GLRX3: variants seen among roughly 807,000 people sequenced by gnomAD.
GLRX3 encodes glutaredoxin-3.
Under a neutral mutation model 49.5 loss-of-function variants are expected in GLRX3, and 22 were observed. That is an observed-to-expected ratio of 0.44 (90% CI 0.32 to 0.63). The LOEUF (loss-of-function observed/expected upper bound fraction) is 0.63. Among genes scored for constraint, GLRX3 ranks in the 30% least tolerant of loss-of-function variants. GLRX3 has a pLI of 0.05. For synonymous variants in GLRX3, 133 were observed against 140.0 expected (o/e 0.95, Z 0.35); for missense variants, 385 against 396.3 (o/e 0.97, Z 0.24).
chr10:130,159,922 G>A (rs1862541461), intron 2 of GLRX3, 73 bp from the exon 3 acceptor site: 2 of 1,267,838 alleles, frequency 1.6e-6, no homozygotes, highest in Non-Finnish European at 2.3e-6. Flanking sequence ...TAATGCATGT[G>A]AAACTGATTT....
intron 2 of GLRX3, among the ~76,000 whole-genome samples, chr10:130,149,934 TAAA>T (rs59275416): frequency 1.6e-4 from 21 of 132,136 alleles, no homozygotes; most frequent in Middle Eastern, 3.7e-3. Flanking sequence ...TTTTCATTAG[TAAA>T]AAAAAAAAAA....
intron 4 of GLRX3, among the ~76,000 whole-genome samples, chr10:130,162,972 G>C (rs1862605276): frequency 6.6e-6 from 1 of 152,106 alleles, no homozygotes; most frequent in Non-Finnish European, 1.5e-5. Flanking sequence ...GAGAAACTTA[G>C]ACATTTTAAT....
intron 8 of GLRX3, among the ~76,000 whole-genome samples, chr10:130,172,002 C>A (rs1031576747): frequency 2.6e-5 from 4 of 152,136 alleles, no homozygotes; most frequent in Non-Finnish European, 5.9e-5. Flanking sequence ...TTCAGTTCTG[C>A]CACTGATACT....
At chr10:130,160,764 G>A (rs1333839600) in intron 3 of GLRX3, 32 bp from the exon 4 acceptor site, 1 of 1,120,034 alleles carries the variant, frequency 8.9e-7, no homozygotes, top group Non-Finnish European at 1.4e-6. Flanking sequence ...ATGGAATGCT[G>A]CATGTATTCT....
intron 7 of GLRX3, 114 bp from the exon 8 acceptor site, chr10:130,171,470 A>T (rs921521575): frequency 1.4e-6 from 1 of 707,982 alleles, no homozygotes; most frequent in Admixed American, 2.1e-5. Context: ...GCTGAGTGAA[A>T]GTAGTGGCAG....
intron 8 of GLRX3, among the ~76,000 whole-genome samples, chr10:130,172,457 A>G (rs1235588175): frequency 6.6e-6 from 1 of 152,180 alleles, no homozygotes; most frequent in Non-Finnish European, 1.5e-5. Context: ...TTATTTGGAG[A>G]TATACAGCAC....
intron 1 of GLRX3, among the ~76,000 whole-genome samples, chr10:130,141,878 C>T (rs1409622417): frequency 6.6e-6 from 1 of 152,088 alleles, no homozygotes; most frequent in Non-Finnish European, 1.5e-5. Flanking sequence ...GGCAGAGGCT[C>T]CTGAGGGAGG....
chr10:130,163,280 C>A (rs1862611601), intron 4 of GLRX3, among the ~76,000 whole-genome samples: 1 of 152,046 alleles, frequency 6.6e-6, no homozygotes, highest in Non-Finnish European at 1.5e-5. Context: ...CAAAAATTAG[C>A]TGGGCATGGT....
intron 1 of GLRX3, among the ~76,000 whole-genome samples, chr10:130,142,436 T>G (rs1222944759): frequency 6.6e-6 from 1 of 152,190 alleles, no homozygotes; most frequent in African/African-American, 2.4e-5. Context: ...TCTTCTCTGC[T>G]CTGGATTTCC....
At chr10:130,150,108 G>T (rs1429982523) in intron 2 of GLRX3, among the ~76,000 whole-genome samples, 1 of 151,438 alleles carries the variant, frequency 6.6e-6, no homozygotes, top group African/African-American at 2.4e-5. Context: ...GCTGTGGTGG[G>T]ACATGCCTCT....
chr10:130,158,544 CT>C (rs1212493947), intron 2 of GLRX3, among the ~76,000 whole-genome samples: 1 of 152,138 alleles, frequency 6.6e-6, no homozygotes, highest in Admixed American at 6.6e-5. Context: ...AGGAAGGGCC[CT>C]TTTGTGATCC....
Position 130,171,614 on chromosome 10 carries a change from C to A in GLRX3, c.802C>A (p.Leu268Met). 1 of 1,546,810 alleles carries A rather than the reference C, an allele frequency of 6.5e-7. No homozygotes were observed. Among genetic ancestry groups the A allele is most frequent in the Non-Finnish European group, 8.9e-7 (1 of 1,118,918 alleles). The change falls in exon 8 of 11, where the codon CTG becomes ATG. Residue 268 changes from leucine to methionine, a missense_variant. This residue lies in a region of GLRX3 where 374 missense variants were observed against 358.6 expected (regional missense o/e 1.04). Transcript: ENST00000331244. ...AAAATGTGGATTCAGCAAACAAATT[C>A]TGGAAATACTAAATAGTACTGGGTA... is the stretch of plus-strand genomic sequence containing the variant. ...EAKCGFSKQILEILNSTGVEY... is the reference protein window; with the variant it reads ...EAKCGFSKQIMEILNSTGVEY...
At chr10:130,150,989 G>A (rs957070739) in intron 2 of GLRX3, among the ~76,000 whole-genome samples, 2 of 150,796 alleles carry the variant, frequency 1.3e-5, no homozygotes, top group Non-Finnish European at 2.9e-5. Context: ...GTGCAATGGC[G>A]TGAACTCAGC....
intron 10 of GLRX3, among the ~76,000 whole-genome samples, chr10:130,178,934 C>A (rs576941657): frequency 9.2e-5 from 14 of 152,126 alleles, no homozygotes; most frequent in Non-Finnish European, 2.1e-4. Flanking sequence ...CAACTCCTGA[C>A]CTCAGGTGAT....
At chr10:130,144,418 T>C (rs1354140489) in intron 1 of GLRX3, among the ~76,000 whole-genome samples, 1 of 151,926 alleles carries the variant, frequency 6.6e-6, no homozygotes, top group Non-Finnish European at 1.5e-5. Context: ...TTTTAAGCCC[T>C]GCATGCATTA....
intron 2 of GLRX3, among the ~76,000 whole-genome samples, chr10:130,148,086 G>C (rs7087901): frequency 0.094 from 14,337 of 152,154 alleles, 854 homozygotes; most frequent in Non-Finnish European, 0.12. Flanking sequence ...TTTTTGGAAA[G>C]TTCTAGAGTA....
intron 8 of GLRX3, among the ~76,000 whole-genome samples, chr10:130,174,391 G>C (rs572034456): frequency 6.6e-6 from 1 of 152,252 alleles, no homozygotes; most frequent in African/African-American, 2.4e-5. Flanking sequence ...GTTAATGAAG[G>C]CTCGTGCAGA....
intron 1 of GLRX3, among the ~76,000 whole-genome samples, chr10:130,138,147 C>T (rs1039867313): frequency 6.6e-6 from 1 of 152,032 alleles, no homozygotes; most frequent in Non-Finnish European, 1.5e-5. Flanking sequence ...GCCTCTACCT[C>T]CTGGGTTCAA....
chr10:130,145,957 CT>C (rs1426329274), intron 2 of GLRX3, among the ~76,000 whole-genome samples: 2 of 152,026 alleles, frequency 1.3e-5, no homozygotes, highest in African/African-American at 4.8e-5. Flanking sequence ...CCACACCCAG[CT>C]AATTTTTTGT....
Sources: gnomAD v4.1 joint callset for allele counts (sites outside exome capture counted in the v4.1 genomes callset) on GRCh38, gnomAD v4.1.1 for gene constraint, gnomAD v4.1.1 regional missense constraint, MANE v1.5 for transcripts, NCBI Gene and HGNC (gene_info 2026-07-23, HGNC 2026-07-21) for gene names.